Variants in SLF2 observed in about 807,000 individuals in gnomAD.
SLF2 encodes the protein SMC5-SMC6 complex localization factor protein 2.
In SLF2, 68 loss-of-function variants were observed where a neutral mutation model predicts 124.3. The observed-to-expected ratio is 0.55, with a 90% confidence interval of 0.45 to 0.67. The LOEUF is 0.67. SLF2 is among the 30% of genes least tolerant of loss of function. The pLI, the probability that SLF2 is intolerant of heterozygous loss-of-function variation, is 0.00. For synonymous variants in SLF2, 480 were observed against 478.8 expected (o/e 1.00, Z -0.03); for missense variants, 1,246 against 1,373.7 (o/e 0.91, Z 1.47).
chr10:100,952,279 T>C (rs1339891151), intron 17 of SLF2, among the ~76,000 whole-genome samples: 8 of 142,148 alleles, frequency 5.6e-5, no homozygotes, highest in Non-Finnish European at 9.1e-5. Context: ...TGGTGGCTCA[T>C]GCCTGTAATC....
chr10:100,930,209 T>C (rs1849704496), intron 8 of SLF2, among the ~76,000 whole-genome samples: 1 of 152,220 alleles, frequency 6.6e-6, no homozygotes, highest in Admixed American at 6.5e-5. Context: ...TTATTAATTA[T>C]GATTAAGATC....
chr10:100,943,196 C>T (rs1179378396), intron 11 of SLF2, among the ~76,000 whole-genome samples: 1 of 152,210 alleles, frequency 6.6e-6, no homozygotes, highest in Admixed American at 6.5e-5. Flanking sequence ...AAAGAGGCTC[C>T]TTCTACCTTA....
At chr10:100,920,702 C>T (rs763902042) in intron 4 of SLF2, among the ~76,000 whole-genome samples, 14 of 152,210 alleles carry the variant, frequency 9.2e-5, no homozygotes, top group Non-Finnish European at 1.5e-4. Context: ...GTAATCCCAG[C>T]ACTTTGGGAG....
At chr10:100,940,137 G>C (rs540017334) in intron 11 of SLF2, among the ~76,000 whole-genome samples, 1 of 152,298 alleles carries the variant, frequency 6.6e-6, no homozygotes, top group Non-Finnish European at 1.5e-5. Context: ...AGTGAACTCA[G>C]TAGTGTGTAG....
chr10:100,953,913 A>G (rs1481266612), intron 17 of SLF2, among the ~76,000 whole-genome samples: 1 of 151,898 alleles, frequency 6.6e-6, no homozygotes, highest in African/African-American at 2.4e-5. Flanking sequence ...CAGCCTCCCA[A>G]AGTGCTGGTA....
At chr10:100,947,260 C>A in intron 14 of SLF2, 124 bp downstream of exon 14, 1 of 530,180 alleles carries the variant, frequency 1.9e-6, no homozygotes, top group Non-Finnish European at 3.1e-6. Flanking sequence ...ATTTCATATT[C>A]AGTTGCGAGA....
chr10:100,950,299 T>C, intron 16 of SLF2, 92 bp downstream of exon 16: 1 of 1,326,890 alleles, frequency 7.5e-7, no homozygotes, highest in Non-Finnish European at 1.0e-6. Context: ...ATTTCTGGAT[T>C]TGGACACTAG....
At chr10:100,961,561 G>A (rs925710792) in intron 19 of SLF2, among the ~76,000 whole-genome samples, 19 of 152,032 alleles carry the variant, frequency 1.2e-4, no homozygotes, top group Admixed American at 2.0e-4. Flanking sequence ...TACTGATGTG[G>A]TATTAAAACA....
At chr10:100,961,059 G>C (rs1383324693) in intron 19 of SLF2, among the ~76,000 whole-genome samples, 2 of 124,946 alleles carry the variant, frequency 1.6e-5, no homozygotes, top group African/African-American at 6.0e-5. Flanking sequence ...ACCCAGCCTG[G>C]AGTGCAGTGG....
At chr10:100,957,966 T>G (rs539180480) in intron 18 of SLF2, among the ~76,000 whole-genome samples, 1 of 152,218 alleles carries the variant, frequency 6.6e-6, no homozygotes, top group South Asian at 2.1e-4. Context: ...GGAGAATCCC[T>G]TGAACCCAGG....
chr10:100,924,254 A>G lies in SLF2; in HGVS notation c.1253A>G (p.His418Arg), dbSNP rs1313180885. Residue 418 changes from histidine to arginine, a missense_variant, in exon 5 of 20, where the codon CAT becomes CGT. By Grantham distance (29) the His-to-Arg change is conservative. This residue lies in a region of SLF2 where 698 missense variants were observed against 708.9 expected (regional missense o/e 0.98). Coordinates refer to ENST00000238961, the MANE Select transcript of SLF2 (RefSeq NM_018121.4). ...APSNSGNSGH[H>R]STRNSDQIQV... ...TCAAATTCTGGCAATTCTGGCCACC[A>G]TTCTACCAGGAATAGTGACCAAATC... The G allele has an allele frequency of 6.2e-7, 1 of 1,614,192 alleles. No individual in the cohort carries two copies. Among genetic ancestry groups the G allele is most frequent in the Admixed American group, 1.7e-5 (1 of 60,028 alleles).
chr10:100,914,569 G>C (rs2044575111), intron 1 of SLF2, among the ~76,000 whole-genome samples: 1 of 151,916 alleles, frequency 6.6e-6, no homozygotes, highest in African/African-American at 2.4e-5. Flanking sequence ...GCTGCTTCTG[G>C]GTCCCTTCCC....
At chr10:100,918,853 A>G (rs778152338) in intron 4 of SLF2, among the ~76,000 whole-genome samples, 4 of 152,064 alleles carry the variant, frequency 2.6e-5, no homozygotes, top group Non-Finnish European at 4.4e-5. Flanking sequence ...CAAACTCCTG[A>G]GCTCATGAGC....
intron 18 of SLF2, among the ~76,000 whole-genome samples, chr10:100,958,506 T>C (rs1267405758): frequency 3.9e-5 from 6 of 152,228 alleles, no homozygotes; most frequent in African/African-American, 1.4e-4. Flanking sequence ...ACCCAAGTTT[T>C]ATGTTTCTTA....
chr10:100,958,732 T>C (rs144297283), intron 18 of SLF2, among the ~76,000 whole-genome samples: 1 of 152,360 alleles, frequency 6.6e-6, no homozygotes, highest in Non-Finnish European at 1.5e-5. Flanking sequence ...GTTTACTTTA[T>C]AAATTTAAAG....
At chr10:100,941,558 A>AT (rs1292854215) in intron 11 of SLF2, among the ~76,000 whole-genome samples, 3 of 152,066 alleles carry the variant, frequency 2.0e-5, no homozygotes, top group Non-Finnish European at 4.4e-5. Context: ...GCAAGGTATT[A>AT]TTTTCACTGT....
At chr10:100,937,749 C>T (rs1564778214) in intron 10 of SLF2, among the ~76,000 whole-genome samples, 2 of 152,032 alleles carry the variant, frequency 1.3e-5, no homozygotes, top group South Asian at 4.2e-4. Flanking sequence ...GCTGGGCCTA[C>T]AGGCACACAC....
intron 7 of SLF2, 40 bp from the exon 8 acceptor site, chr10:100,929,790 T>A: frequency 1.4e-6 from 2 of 1,455,678 alleles, no homozygotes; most frequent in Non-Finnish European, 1.9e-6. Flanking sequence ...CTATATGTAG[T>A]GTAACAATTT....
intron 6 of SLF2, among the ~76,000 whole-genome samples, chr10:100,927,092 G>T (rs988605206): frequency 1.3e-5 from 2 of 151,898 alleles, no homozygotes; most frequent in Non-Finnish European, 2.9e-5. Context: ...TTTTTTTAAT[G>T]GAAAATACAT....
Sources: allele counts gnomAD v4.1 joint callset (sites outside exome capture counted in the v4.1 genomes callset), GRCh38; gene constraint gnomAD v4.1.1; regional missense constraint gnomAD v4.1.1; transcripts MANE v1.5; gene names NCBI Gene and HGNC (gene_info 2026-07-23, HGNC 2026-07-21).